The following AK7 variants were observed in gnomAD, a reference collection of about 807,000 sequenced individuals.
AK7 encodes the protein ATP-AMP transphosphorylase 7.
In AK7, 78 loss-of-function variants were observed where a neutral mutation model predicts 96.6. The observed-to-expected ratio is 0.81, with a 90% CI of 0.67 to 0.97. The LOEUF (loss-of-function observed/expected upper bound fraction) is 0.97, where lower values mean the gene tolerates loss of function less well. AK7 is among the 50% of genes least tolerant of loss of function. The pLI, the probability that AK7 is intolerant of heterozygous loss-of-function variation, is 0.00. For synonymous variants in AK7, 302 were observed against 317.2 expected (o/e 0.95, Z 0.51); for missense variants, 855 against 887.9 (o/e 0.96, Z 0.47).
intron 15 of AK7, among the ~76,000 whole-genome samples, chr14:96,481,449 C>T (rs1249950984): frequency 6.6e-6 from 1 of 152,134 alleles, no homozygotes; most frequent in Non-Finnish European, 1.5e-5. Flanking sequence ...TGGGTTCAAG[C>T]GTTTCTCCTG....
intron 1 of AK7, among the ~76,000 whole-genome samples, chr14:96,392,963 C>G (rs534757946): frequency 6.6e-6 from 1 of 152,166 alleles, no homozygotes; most frequent in African/African-American, 2.4e-5. Context: ...GGATTACAGG[C>G]GTGAGTAAAT....
chr14:96,471,147 CA>C (rs1894859966), intron 12 of AK7, among the ~76,000 whole-genome samples: 1 of 151,920 alleles, frequency 6.6e-6, no homozygotes. Context: ...GCCTGGGCAA[CA>C]TTGCAAGATC....
chr14:96,450,768 CTTTTTTTTTTTTT>C (rs937558741), intron 9 of AK7, among the ~76,000 whole-genome samples: 6 of 93,178 alleles, frequency 6.4e-5, no homozygotes, highest in Admixed American at 1.3e-4. Context: ...ATATTTTTCT[CTTTTTTTTTTTTT>C]TTTTTTTTTT....
At chr14:96,437,618 C>G (rs140456762) in intron 5 of AK7, among the ~76,000 whole-genome samples, 1 of 152,190 alleles carries the variant, frequency 6.6e-6, no homozygotes, top group East Asian at 1.9e-4. Context: ...ATTAGGAGTC[C>G]TTGTTAAATT....
chr14:96,460,446 G>T (rs1198883031), intron 12 of AK7, among the ~76,000 whole-genome samples: 1 of 152,164 alleles, frequency 6.6e-6, no homozygotes, highest in Non-Finnish European at 1.5e-5. Flanking sequence ...GACAGAGAAG[G>T]ATGTGGCCAA....
rs998422104 is a variant in AK7, at chr14:96,425,106, A to G, written c.609+4174A>G. ...TTTGGCCAATTTGGTCATCCCAATG[A>G]TCTTTTTTGATCAGTGATGCTAATG... On this transcript the variant is annotated intron_variant, in intron 5 of 17. Coordinates refer to ENST00000267584, the MANE Select transcript of AK7 (RefSeq NM_152327.5). Among the ~76,000 whole-genome samples, 5 of 152,336 alleles carry G rather than the reference A, an allele frequency of 3.3e-5. No homozygotes were observed. The South Asian group carries it at 1.0e-3, about 32-fold the overall frequency.
chr14:96,488,416 G>T lies in AK7; in HGVS notation c.*73G>T. The T allele has an allele frequency of 7.3e-7, 1 of 1,368,646 alleles. No homozygotes were observed. Among genetic ancestry groups the T allele is most frequent in the South Asian group, 1.4e-5 (1 of 71,904 alleles). The allele number at this position is 1,368,646 out of a possible 1,614,324, so 84.8% of individuals were successfully genotyped here. Reference sequence around the variant, plus strand: ...TTATTATACTTTGAAAAATTGCTTTGAAAAATGCTTTTCCAGTTCTTAGAA... The same window carrying T: ...TTATTATACTTTGAAAAATTGCTTTTAAAAATGCTTTTCCAGTTCTTAGAA... On this transcript the variant is annotated 3_prime_UTR_variant, in exon 18 of 18. Transcript: ENST00000267584.
intron 4 of AK7, among the ~76,000 whole-genome samples, chr14:96,418,480 G>C (rs1406479228): frequency 6.6e-6 from 1 of 151,396 alleles, no homozygotes; most frequent in Non-Finnish European, 1.5e-5. Context: ...TTTCTCAGGA[G>C]CAACTGTACT....
chr14:96,398,211 C>A lies in AK7; in HGVS notation c.242C>A (p.Thr81Lys), dbSNP rs140870082. ...GAAGGCACATTCCAGATTGTGGGCA[C>A]GCTGTCCAAGCCTGACAGCCCGCGG... is the stretch of plus-strand genomic sequence containing the variant. Reference protein sequence around the residue: ...VKEGTFQIVGTLSKPDSPRPD... With the variant: ...VKEGTFQIVGKLSKPDSPRPD... The change falls in exon 2 of 18, where the codon ACG (threonine) becomes AAG (lysine). Residue 81 changes from threonine to lysine, a missense_variant. By Grantham distance (78) the Thr-to-Lys change is moderately conservative (BLOSUM62 -1). Coordinates refer to ENST00000267584, the MANE Select transcript of AK7 (RefSeq NM_152327.5). 1 of 1,613,920 alleles carries A rather than the reference C, an allele frequency of 6.2e-7. No individual in the cohort carries two copies. Among genetic ancestry groups the A allele is most frequent in the South Asian group, 1.1e-5 (1 of 91,064 alleles).
intron 5 of AK7, among the ~76,000 whole-genome samples, chr14:96,436,413 G>T (rs1476502866): frequency 6.6e-6 from 1 of 152,120 alleles, no homozygotes; most frequent in Non-Finnish European, 1.5e-5. Flanking sequence ...GGGAGGCCGA[G>T]GCAGGTGAAT....
chr14:96,410,360 A>G (rs1459789454), intron 4 of AK7, among the ~76,000 whole-genome samples: 1 of 152,212 alleles, frequency 6.6e-6, no homozygotes, highest in Non-Finnish European at 1.5e-5. Context: ...CCACTGTGCT[A>G]GCTTCCGGAC....
rs527300158 is a variant in AK7 at position 96,478,141 on chromosome 14, ATTAG to A, written c.1556-319_1556-316del. ...GCTACTTATGATTTCTGCTGCTTTT[ATTAG>A]TTAGAAAGGGAGGAAGGAAGGAAGG... On this transcript the variant is annotated intron_variant, in intron 14 of 17. Transcript: ENST00000267584. Among the ~76,000 whole-genome samples the A allele has an allele frequency of 7.1e-3, 1,007 of 141,220 alleles. 13 individuals are homozygous for A. Among genetic ancestry groups the A allele is most frequent in the African/African-American group, 0.024 (962 of 39,304 alleles). The allele number at this position is 141,220 out of a possible 152,430, so 92.6% of individuals were successfully genotyped here. A position where few individuals can be genotyped will look rare whatever the true frequency, so the allele number is the denominator to read the frequency against.
chr14:96,398,071 G>T lies in AK7; in HGVS notation c.106-4G>T. On this transcript the variant is annotated splice_region_variant and splice_polypyrimidine_tract_variant and intron_variant, in intron 1 of 17. Coordinates refer to ENST00000267584, the MANE Select transcript of AK7 (RefSeq NM_152327.5). ...CCATTTGGGAAATTTCTGTTTCCTT[G>T]CAGTTTCTATCTAACTGTGTAGTTG... 6.2e-7 allele frequency: 1 copy of T among 1,611,248 alleles called. No homozygotes were observed.
Position 96,486,934 on chromosome 14 carries a change from GAAT to G in AK7, c.2012_2014del (p.Glu671_Leu672delinsVal). 6.2e-7 allele frequency: 1 copy of G among 1,613,980 alleles called. No homozygotes were observed. The highest frequency in any genetic ancestry group is 8.5e-7 in the Non-Finnish European group (1 of 1,179,930). ...GGAGGAAGTGAAAAGAGAAGAAAGA[GAAT>G]TACTGGAGGCTCAGTCAATTCCCCT... On this transcript the variant is annotated inframe_deletion, in exon 17 of 18. Transcript: ENST00000267584.
chr14:96,417,007 C>A (rs1566769487), intron 4 of AK7, among the ~76,000 whole-genome samples: 1 of 152,220 alleles, frequency 6.6e-6, no homozygotes, highest in East Asian at 1.9e-4. Flanking sequence ...TATGGTTCAC[C>A]TCATGGAATG....
chr14:96,468,214 C>CA (rs71103532), intron 12 of AK7, among the ~76,000 whole-genome samples: 25,518 of 106,940 alleles, frequency 0.24, 2,786 homozygotes, highest in East Asian at 0.55. Flanking sequence ...GACCCTGTCT[C>CA]AAAAAAAAAA....
chr14:96,452,023 T>C (rs1431886977), intron 10 of AK7, among the ~76,000 whole-genome samples: 2 of 152,200 alleles, frequency 1.3e-5, no homozygotes, highest in Non-Finnish European at 2.9e-5. Flanking sequence ...AGAAGAAACC[T>C]GATTACTACT....
intron 17 of AK7, among the ~76,000 whole-genome samples, chr14:96,487,485 A>G: frequency 7.3e-6 from 1 of 136,726 alleles, no homozygotes. Flanking sequence ...GCTGGAGTGC[A>G]GTGGCACGTT....
chr14:96,444,474 A>C (rs1893122040), intron 7 of AK7, among the ~76,000 whole-genome samples: 1 of 152,170 alleles, frequency 6.6e-6, no homozygotes, highest in Non-Finnish European at 1.5e-5. Context: ...TTCTTGTACT[A>C]GGCCCCAACA....
Sources: gnomAD v4.1 joint callset for allele counts (sites outside exome capture counted in the v4.1 genomes callset) on GRCh38, gnomAD v4.1.1 for gene constraint, MANE v1.5 for transcripts, NCBI Gene and HGNC (gene_info 2026-07-23, HGNC 2026-07-21) for gene names.